LMNTD1: variants seen among roughly 807,000 people sequenced by gnomAD.
The protein encoded by LMNTD1 is lamin tail domain containing 1.
Under a neutral mutation model 50.9 loss-of-function variants are expected in LMNTD1, and 35 were observed. The observed-to-expected ratio is 0.69, with a 90% CI of 0.53 to 0.91. The LOEUF (loss-of-function observed/expected upper bound fraction) is 0.91. LMNTD1 is among the 40% of genes least tolerant of loss of function. The pLI, the probability that LMNTD1 is intolerant of heterozygous loss-of-function variation, is 0.00. For missense variants in LMNTD1, 470 were observed against 475.5 expected, an observed-to-expected ratio of 0.99 and a Z score of 0.11; for synonymous variants, 153 against 161.9, an observed-to-expected ratio of 0.94 and a Z score of 0.42.
chr12:25,480,949 T>A (rs1010530875), intron 9 of LMNTD1, among the ~76,000 whole-genome samples: 5 of 152,200 alleles, frequency 3.3e-5, no homozygotes, highest in African/African-American at 1.2e-4. Context: ...TCTTTAGGCA[T>A]CAAGGTAATT....
intron 9 of LMNTD1, among the ~76,000 whole-genome samples, chr12:25,481,561 C>T (rs1565933073): frequency 6.6e-6 from 1 of 151,894 alleles, no homozygotes; most frequent in East Asian, 1.9e-4. Flanking sequence ...TGTGCAGCCT[C>T]AACATAGACT....
chr12:25,527,067 T>C, intron 4 of LMNTD1, 112 bp from the exon 5 acceptor site: 1 of 685,610 alleles, frequency 1.5e-6, no homozygotes, highest in Non-Finnish European at 2.3e-6. Context: ...CTGTATATTC[T>C]ATTGGGCAAG....
chr12:25,609,728 G>A (rs1221911437), intron 1 of LMNTD1, among the ~76,000 whole-genome samples: 2 of 152,138 alleles, frequency 1.3e-5, no homozygotes, highest in Non-Finnish European at 2.9e-5. Context: ...GTCTCAGAGG[G>A]GCACCTGGCT....
intron 1 of LMNTD1, among the ~76,000 whole-genome samples, chr12:25,614,779 C>A (rs186544830): frequency 6.6e-6 from 1 of 152,248 alleles, no homozygotes; most frequent in African/African-American, 2.4e-5. Context: ...GTGACCTAAA[C>A]AACAGAAATT....
intron 1 of LMNTD1, among the ~76,000 whole-genome samples, chr12:25,568,642 C>A (rs1260300547): frequency 1.3e-5 from 2 of 152,210 alleles, no homozygotes; most frequent in African/African-American, 4.8e-5. Flanking sequence ...CTTGGAATGC[C>A]AAAGCCCTGC....
At chr12:25,613,050 A>T (rs1252351664) in intron 1 of LMNTD1, among the ~76,000 whole-genome samples, 1 of 152,198 alleles carries the variant, frequency 6.6e-6, no homozygotes, top group Non-Finnish European at 1.5e-5. Flanking sequence ...AGAATATAGG[A>T]GAATGCAGTG....
chr12:25,589,364 G>A (rs559456084), intron 1 of LMNTD1, among the ~76,000 whole-genome samples: 4 of 152,236 alleles, frequency 2.6e-5, no homozygotes, highest in East Asian at 1.9e-4. Context: ...ATATATGCAC[G>A]TTAGGGATAC....
chr12:25,521,291 C>G (rs79743189), intron 6 of LMNTD1, among the ~76,000 whole-genome samples: 3,073 of 152,212 alleles, frequency 0.02, 81 homozygotes, highest in African/African-American at 0.058. Flanking sequence ...GAAATCATTG[C>G]AAAGGACCAC....
intron 4 of LMNTD1, among the ~76,000 whole-genome samples, chr12:25,527,886 G>A (rs1024200384): frequency 2.6e-5 from 4 of 151,376 alleles, no homozygotes; most frequent in African/African-American, 9.7e-5. Flanking sequence ...TTGAAGCAAA[G>A]CCTGGTCCAA....
intron 1 of LMNTD1, among the ~76,000 whole-genome samples, chr12:25,561,632 A>C (rs1371958442): frequency 6.6e-6 from 1 of 152,118 alleles, no homozygotes; most frequent in African/African-American, 2.4e-5. Flanking sequence ...TTTGGGGTGG[A>C]GAGTTCTGTA....
intron 5 of LMNTD1, 95 bp from the exon 6 acceptor site, chr12:25,526,313 G>A (rs1565972949): frequency 1.7e-6 from 2 of 1,208,166 alleles, no homozygotes; most frequent in Non-Finnish European, 2.3e-6. Context: ...CTGAACAGAT[G>A]AGGTTTTAAA....
intron 1 of LMNTD1, among the ~76,000 whole-genome samples, chr12:25,564,220 C>T (rs947208395): frequency 1.1e-4 from 16 of 152,176 alleles, no homozygotes; most frequent in Admixed American, 5.9e-4. Flanking sequence ...GCATCACTCA[C>T]GCTGGGAGCT....
At chr12:25,548,981 G>T (rs193181270) in intron 3 of LMNTD1, among the ~76,000 whole-genome samples, 5 of 151,948 alleles carry the variant, frequency 3.3e-5, no homozygotes, top group African/African-American at 1.2e-4. Flanking sequence ...AATCCTTCTG[G>T]TAGTGTTCAG....
intron 9 of LMNTD1, among the ~76,000 whole-genome samples, chr12:25,478,335 G>A (rs923540487): frequency 1.3e-5 from 2 of 151,976 alleles, no homozygotes; most frequent in Non-Finnish European, 1.5e-5. Context: ...TCATACAACC[G>A]GAAATGCACC....
intron 1 of LMNTD1, among the ~76,000 whole-genome samples, chr12:25,610,631 G>A (rs1946219318): frequency 6.6e-6 from 1 of 152,168 alleles, no homozygotes; most frequent in African/African-American, 2.4e-5. Context: ...TGGTCCAGGA[G>A]AAAGGCAATG....
upstream of LMNTD1, among the ~76,000 whole-genome samples, chr12:25,554,584 G>A (rs369205318): frequency 2.6e-5 from 4 of 152,312 alleles, no homozygotes; most frequent in South Asian, 4.1e-4. Context: ...ACCATAGAGA[G>A]CATTTTGTAA....
chr12:25,508,265 T>C (rs1939972558), intron 8 of LMNTD1, among the ~76,000 whole-genome samples: 1 of 152,234 alleles, frequency 6.6e-6, no homozygotes, highest in Non-Finnish European at 1.5e-5. Flanking sequence ...GAAGCATTTT[T>C]GGTAACCTCT....
At chr12:25,641,155 G>A (rs1235182346) in intron 1 of LMNTD1, among the ~76,000 whole-genome samples, 2 of 152,164 alleles carry the variant, frequency 1.3e-5, no homozygotes, top group Non-Finnish European at 2.9e-5. Context: ...TGGATGGATG[G>A]ATGACTATAG....
chr12:25,621,286 A>G (rs1018620009), intron 1 of LMNTD1, among the ~76,000 whole-genome samples: 2 of 152,136 alleles, frequency 1.3e-5, no homozygotes, highest in Non-Finnish European at 2.9e-5. Flanking sequence ...GTGCAGTGGC[A>G]TGATCATGGC....
Sources: gnomAD v4.1 joint callset for allele counts (sites outside exome capture counted in the v4.1 genomes callset) on GRCh38, gnomAD v4.1.1 for gene constraint, MANE v1.5 for transcripts, NCBI Gene and HGNC (gene_info 2026-07-23, HGNC 2026-07-21) for gene names.